PREX2: variants seen among roughly 807,000 people sequenced by gnomAD.
PREX2 encodes phosphatidylinositol 3,4,5-trisphosphate-dependent Rac exchanger 2 protein.
A neutral mutation model predicts 203.2 loss-of-function variants in PREX2; 107 were observed. The observed-to-expected ratio is 0.53, with a 90% CI of 0.45 to 0.62. The LOEUF is 0.62. Among genes scored for constraint, PREX2 ranks in the 20% least tolerant of loss-of-function variants. PREX2 has a pLI of 0.00. For missense variants in PREX2, 1,777 were observed against 1,955.9 expected (o/e 0.91, Z 1.72); for synonymous variants, 672 against 663.6 (o/e 1.01, Z -0.19).
At chr8:68,117,214 A>T (rs924318823) in intron 26 of PREX2, among the ~76,000 whole-genome samples, 1 of 152,170 alleles carries the variant, frequency 6.6e-6, no homozygotes, top group African/African-American at 2.4e-5. Context: ...CATAATCCTC[A>T]CCGCAAGCCT....
rs533472577 is a variant in PREX2, at chr8:68,188,154, ATCAC to A, written c.4347-3562_4347-3559del. On this transcript the variant is annotated intron_variant, in intron 35 of 39. Coordinates refer to ENST00000288368, the MANE Select transcript of PREX2 (RefSeq NM_024870.4). ...GAACTACTGAACCAAACTCAACCAA[ATCAC>A]TCACTAGTTTGGGGACATGACTGGT... is the stretch of plus-strand genomic sequence containing the variant. Among the ~76,000 whole-genome samples the A allele has an allele frequency of 7.2e-5, 11 of 152,308 alleles. No individual in the cohort carries two copies. The South Asian group carries it at 2.3e-3, about 32-fold the overall frequency.
At position 68,233,438 on chromosome 8, in the gene PREX2, C is replaced by T. The variant is rs767496337; in HGVS notation, c.*2060C>T. 10 of 152,102 alleles carry T rather than the reference C, an allele frequency of 6.6e-5. No individual in the cohort carries two copies. Among genetic ancestry groups the T allele is most frequent in the Non-Finnish European group, 1.2e-4 (8 of 68,026 alleles). 9.4% of individuals were successfully genotyped at this position (152,102 alleles called of 1,614,324 possible). On this transcript the variant is annotated 3_prime_UTR_variant, in exon 40 of 40. Transcript: ENST00000288368. The stretch of plus-strand genomic sequence containing the variant: ...CATATTTTATATTTTTAAGGATCTA[C>T]TTTCTTCATAATAGAATGTGCTTCA...
intron 31 of PREX2, among the ~76,000 whole-genome samples, chr8:68,132,895 C>G (rs1273826169): frequency 6.6e-6 from 1 of 152,142 alleles, no homozygotes; most frequent in Non-Finnish European, 1.5e-5. Flanking sequence ...GAAATGAACT[C>G]TGTGTGTTAG....
chr8:68,038,512 C>T (rs555339953), intron 7 of PREX2, among the ~76,000 whole-genome samples: 2 of 152,248 alleles, frequency 1.3e-5, no homozygotes, highest in African/African-American at 4.8e-5. Flanking sequence ...TCACTGTCAT[C>T]TGATGATGCT....
At chr8:67,975,267 G>A (rs12675618) in intron 1 of PREX2, among the ~76,000 whole-genome samples, 47,491 of 139,768 alleles carry the variant, frequency 0.34, 8,729 homozygotes, top group East Asian at 0.6. Context: ...ACCTGCACAC[G>A]GCCTGTTTTT....
At chr8:68,028,352 C>A (rs773582154) in intron 5 of PREX2, among the ~76,000 whole-genome samples, 1 of 151,500 alleles carries the variant, frequency 6.6e-6, no homozygotes, top group East Asian at 1.9e-4. Context: ...TATTTGATTC[C>A]GACTTATTTT....
At chr8:68,068,713 A>G (rs1266139732) in intron 11 of PREX2, among the ~76,000 whole-genome samples, 1 of 152,112 alleles carries the variant, frequency 6.6e-6, no homozygotes, top group Non-Finnish European at 1.5e-5. Flanking sequence ...ATTTATATAA[A>G]TGTACACATT....
intron 34 of PREX2, among the ~76,000 whole-genome samples, chr8:68,156,328 T>C (rs1178530912): frequency 6.6e-6 from 1 of 152,200 alleles, no homozygotes; most frequent in East Asian, 1.9e-4. Flanking sequence ...GCTCTCAAAG[T>C]GCTGGAATTA....
At chr8:68,008,245 C>T (rs1026821367) in intron 1 of PREX2, among the ~76,000 whole-genome samples, 2 of 152,196 alleles carry the variant, frequency 1.3e-5, no homozygotes, top group Non-Finnish European at 1.5e-5. Context: ...AGGATATTTT[C>T]TGGACTGTTT....
intron 37 of PREX2, among the ~76,000 whole-genome samples, chr8:68,203,487 G>A (rs1360224206): frequency 6.6e-6 from 1 of 152,156 alleles, no homozygotes. Context: ...TTAGTACAGA[G>A]AGAGAAAGGG....
chr8:68,083,516 C>T, intron 18 of PREX2, 128 bp downstream of exon 18: 8 of 572,608 alleles, frequency 1.4e-5, no homozygotes, highest in South Asian at 3.9e-5. Flanking sequence ...TCACCGGTAT[C>T]ATTAATACTG....
At chr8:68,215,930 A>G (rs1000289836) in intron 37 of PREX2, among the ~76,000 whole-genome samples, 1 of 152,212 alleles carries the variant, frequency 6.6e-6, no homozygotes, top group African/African-American at 2.4e-5. Flanking sequence ...ATGTAAGACA[A>G]TATGCATTGT....
intron 8 of PREX2, among the ~76,000 whole-genome samples, chr8:68,047,714 G>A (rs1486996325): frequency 2.0e-5 from 3 of 150,778 alleles, no homozygotes; most frequent in Non-Finnish European, 3.0e-5. Context: ...AAAATGGAAT[G>A]GAAAAGTTTT....
intron 1 of PREX2, among the ~76,000 whole-genome samples, chr8:67,986,061 C>T (rs1019187629): frequency 4.6e-5 from 7 of 152,216 alleles, no homozygotes; most frequent in South Asian, 4.1e-4. Flanking sequence ...CTGGCAAAAG[C>T]GTTTTGAGAG....
Position 68,055,931 on chromosome 8 carries a change from C to A in PREX2, c.1195C>A (p.Arg399=), listed in dbSNP as rs1434774. The A allele has an allele frequency of 0.51, 820,199 of 1,607,770 alleles. 216,429 individuals are homozygous for A. The highest frequency in any genetic ancestry group is 0.84 in the African/African-American group (62,728 of 74,584). ...MCRQGNLIKD[R]KRKLTTFPKC... ...CAGACAAGGAAATCTGATCAAAGAC[C>A]GAAAGAGAAAACTGACTACGTTCCC... The change falls in exon 10 of 40, where the codon CGA becomes AGA. Residue 399 remains arginine, a synonymous_variant. Transcript: ENST00000288368.
chr8:68,127,625 T>C (rs573182720), intron 31 of PREX2, among the ~76,000 whole-genome samples: 21 of 151,540 alleles, frequency 1.4e-4, no homozygotes, highest in Admixed American at 2.6e-4. Flanking sequence ...TATATATATA[T>C]ACACACATAC....
intron 4 of PREX2, among the ~76,000 whole-genome samples, chr8:68,024,380 A>T (rs901730269): frequency 2.0e-5 from 3 of 152,026 alleles, no homozygotes; most frequent in Non-Finnish European, 2.9e-5. Flanking sequence ...GCACGCATTC[A>T]TAATTGTTAG....
Position 68,134,054 on chromosome 8 carries a change from C to A in PREX2, c.3767-5C>A. The A allele has an allele frequency of 6.2e-7, 1 of 1,612,030 alleles. No homozygotes were observed. Among genetic ancestry groups the A allele is most frequent in the Non-Finnish European group, 8.5e-7 (1 of 1,178,288 alleles). ...AAGCATTCTCTATGTTCTCTTTGAT[C>A]ACAGATAGTGAGACACAGCTCCGTA... On this transcript the variant is annotated splice_polypyrimidine_tract_variant and splice_region_variant and intron_variant, in intron 31 of 39. Coordinates refer to ENST00000288368, the MANE Select transcript of PREX2 (RefSeq NM_024870.4).
rs143815671 is a variant in PREX2 at position 68,058,198 on chromosome 8, T to G, written c.1238+2224T>G. On this transcript the variant is annotated intron_variant, in intron 10 of 39. Transcript: ENST00000288368. ...GGTTCCTTTATTCTCGACCTCTCAC[T>G]CTTAAAAATATTTCCAATTTATAGC... Among the ~76,000 whole-genome samples the G allele has an allele frequency of 4.1e-3, 617 of 152,220 alleles. 2 individuals carry two copies. Among genetic ancestry groups the G allele is most frequent in the Non-Finnish European group, 3.8e-3 (258 of 68,008 alleles).
Sources: gnomAD v4.1 joint callset for allele counts (sites outside exome capture counted in the v4.1 genomes callset) on GRCh38, gnomAD v4.1.1 for gene constraint, MANE v1.5 for transcripts, NCBI Gene and HGNC (gene_info 2026-07-23, HGNC 2026-07-21) for gene names.